SLC25A13: variants seen among roughly 807,000 people sequenced by gnomAD.
The protein encoded by SLC25A13 is electrogenic aspartate/glutamate antiporter SLC25A13, mitochondrial.
In SLC25A13, 70 loss-of-function variants were observed where a neutral mutation model predicts 85.5. The observed-to-expected ratio is 0.82, with a 90% confidence interval of 0.68 to 1.00. SLC25A13 has a LOEUF of 1.00. SLC25A13 is among the 50% of genes least tolerant of loss of function. The pLI is 0.00. For synonymous variants in SLC25A13, 259 were observed against 288.7 expected, an observed-to-expected ratio of 0.90 and a Z score of 1.04; for missense variants, 765 against 819.8, an observed-to-expected ratio of 0.93 and a Z score of 0.82.
At chr7:96,157,876 G>A (rs979294052) in intron 13 of SLC25A13, among the ~76,000 whole-genome samples, 8 of 152,172 alleles carry the variant, frequency 5.3e-5, no homozygotes, top group African/African-American at 1.9e-4. Flanking sequence ...ACACAATCCA[G>A]AGTTCTAACG....
chr7:96,137,037 C>T (rs1021260125), intron 14 of SLC25A13, among the ~76,000 whole-genome samples: 4 of 152,174 alleles, frequency 2.6e-5, no homozygotes, highest in Non-Finnish European at 4.4e-5. Flanking sequence ...AAACAATGGG[C>T]AGCATGTCAT....
intron 6 of SLC25A13, among the ~76,000 whole-genome samples, chr7:96,192,046 T>C (rs1229031754): frequency 6.6e-6 from 1 of 152,098 alleles, no homozygotes; most frequent in Non-Finnish European, 1.5e-5. Flanking sequence ...TAGTAATCAT[T>C]TAAAATAGCT....
intron 3 of SLC25A13, among the ~76,000 whole-genome samples, chr7:96,253,194 G>A (rs1797502099): frequency 6.6e-6 from 1 of 152,188 alleles, no homozygotes; most frequent in Non-Finnish European, 1.5e-5. Flanking sequence ...AGAATCTGAA[G>A]AGGAAAGTGC....
At chr7:96,136,280 T>C (rs1452030966) in intron 14 of SLC25A13, among the ~76,000 whole-genome samples, 1 of 152,222 alleles carries the variant, frequency 6.6e-6, no homozygotes, top group Admixed American at 6.5e-5. Flanking sequence ...TTAGATAGGC[T>C]TAGAGATTCT....
intron 3 of SLC25A13, among the ~76,000 whole-genome samples, chr7:96,265,887 G>A (rs1291176370): frequency 1.3e-5 from 2 of 152,146 alleles, no homozygotes; most frequent in Non-Finnish European, 2.9e-5. Context: ...TTCATAGATG[G>A]TGCCTTCTTG....
chr7:96,211,402 T>A (rs1215105845), intron 4 of SLC25A13, among the ~76,000 whole-genome samples: 1 of 152,034 alleles, frequency 6.6e-6, no homozygotes, highest in Non-Finnish European at 1.5e-5. Context: ...CAATAATGAT[T>A]TGTTTGAAAA....
chr7:96,258,923 C>A (rs913442989), intron 3 of SLC25A13, among the ~76,000 whole-genome samples: 2 of 152,108 alleles, frequency 1.3e-5, no homozygotes, highest in Non-Finnish European at 2.9e-5. Context: ...CATCTACAAC[C>A]ATCTGATCTT....
At chr7:96,132,253 C>T (rs1490672106) in intron 14 of SLC25A13, among the ~76,000 whole-genome samples, 6 of 152,064 alleles carry the variant, frequency 3.9e-5, no homozygotes, top group Admixed American at 6.5e-5. Context: ...AGACGGGTAA[C>T]GGCAGTCAAG....
At chr7:96,246,173 A>G (rs1184258988) in intron 3 of SLC25A13, among the ~76,000 whole-genome samples, 1 of 152,244 alleles carries the variant, frequency 6.6e-6, no homozygotes, top group Non-Finnish European at 1.5e-5. Flanking sequence ...CTCTAACCAT[A>G]GTCTCCAGTT....
chr7:96,295,176 G>A (rs1163067079), intron 2 of SLC25A13, among the ~76,000 whole-genome samples: 1 of 152,024 alleles, frequency 6.6e-6, no homozygotes, highest in East Asian at 1.9e-4. Context: ...GATCAACATG[G>A]TGAAACCCCG....
intron 3 of SLC25A13, among the ~76,000 whole-genome samples, chr7:96,235,875 T>C (rs1028548344): frequency 6.6e-6 from 1 of 152,210 alleles, no homozygotes; most frequent in African/African-American, 2.4e-5. Context: ...CAAGGACGTT[T>C]TGACTTCCAA....
chr7:96,179,958 G>T (rs1584417260), intron 11 of SLC25A13, among the ~76,000 whole-genome samples: 1 of 152,040 alleles, frequency 6.6e-6, no homozygotes, highest in East Asian at 1.9e-4. Context: ...TACCATCAAT[G>T]ATAAGGGACC....
intron 3 of SLC25A13, among the ~76,000 whole-genome samples, chr7:96,271,339 C>T (rs1159627822): frequency 6.6e-6 from 1 of 152,102 alleles, no homozygotes; most frequent in Non-Finnish European, 1.5e-5. Flanking sequence ...TGTACAATTA[C>T]TACACGCCAA....
At chr7:96,185,350 C>A (rs1402950887) in intron 9 of SLC25A13, among the ~76,000 whole-genome samples, 1 of 152,092 alleles carries the variant, frequency 6.6e-6, no homozygotes, top group Admixed American at 6.6e-5. Context: ...GTAATCCCAG[C>A]ACTTTGGGAG....
chr7:96,137,894 C>T (rs949884362), intron 14 of SLC25A13, among the ~76,000 whole-genome samples: 1 of 152,186 alleles, frequency 6.6e-6, no homozygotes, highest in Admixed American at 6.5e-5. Flanking sequence ...TGCTGTGATT[C>T]TGGGGGCTGC....
Position 96,288,383 on chromosome 7 carries a change from C to T in SLC25A13, c.69+8515G>A, listed in dbSNP as rs1251039989. On this transcript the variant is annotated intron_variant, in intron 2 of 17. Transcript: ENST00000265631. ...GTGATTTCTGCATTTCCAACTGAGG[C>T]ACCAGGGTCATCTCACTGGGGCTCA... 3.2e-4 allele frequency among the ~76,000 whole-genome samples: 49 copies of T among 152,204 alleles called. 1 individual carries two copies. The highest frequency in any genetic ancestry group is 2.9e-5 in the Non-Finnish European group (2 of 68,036).
At chr7:96,190,495 C>T (rs1489829770) in intron 7 of SLC25A13, among the ~76,000 whole-genome samples, 2 of 152,146 alleles carry the variant, frequency 1.3e-5, no homozygotes, top group Non-Finnish European at 2.9e-5. Context: ...TCCTCATATA[C>T]ACCTGAAGGC....
At chr7:96,270,324 G>T (rs1290656100) in intron 3 of SLC25A13, among the ~76,000 whole-genome samples, 3 of 152,202 alleles carry the variant, frequency 2.0e-5, no homozygotes, top group Non-Finnish European at 2.9e-5. Flanking sequence ...GGGAGGCCAA[G>T]GCAGGTGGGC....
chr7:96,238,704 C>T (rs1796838328), intron 3 of SLC25A13, among the ~76,000 whole-genome samples: 1 of 152,108 alleles, frequency 6.6e-6, no homozygotes, highest in African/African-American at 2.4e-5. Flanking sequence ...CGCCACGCCT[C>T]CTCACATCCC....
Sources: gnomAD v4.1 joint callset for allele counts (sites outside exome capture counted in the v4.1 genomes callset) on GRCh38, gnomAD v4.1.1 for gene constraint, MANE v1.5 for transcripts, NCBI Gene and HGNC (gene_info 2026-07-23, HGNC 2026-07-21) for gene names.